Variants in STARD9 observed in about 807,000 individuals in gnomAD.
STARD9 encodes the protein StAR related lipid transfer domain containing 9.
A neutral mutation model predicts 399.8 loss-of-function variants in STARD9; 346 were observed. That is an observed-to-expected ratio of 0.87 (90% CI 0.79 to 0.95). The LOEUF (loss-of-function observed/expected upper bound fraction) is 0.95, where lower values mean the gene tolerates loss of function less well. Among genes scored for constraint, STARD9 ranks in the 40% least tolerant of loss-of-function variants. The pLI, the probability that STARD9 is intolerant of heterozygous loss-of-function variation, is 0.00. For synonymous variants in STARD9, 2,203 were observed against 2,143.5 expected (o/e 1.03, Z -0.77); for missense variants, 5,832 against 5,667.5 (o/e 1.03, Z -0.93).
chr15:42,621,562 CAG>C (rs756901019), intron 3 of STARD9, among the ~76,000 whole-genome samples: 2 of 152,306 alleles, frequency 1.3e-5, no homozygotes, highest in East Asian at 3.9e-4. Context: ...ATACAGAAAA[CAG>C]AGGGATGAGG....
chr15:42,639,120 G>A (rs772781119), intron 7 of STARD9, among the ~76,000 whole-genome samples: 1 of 152,224 alleles, frequency 6.6e-6, no homozygotes, highest in Non-Finnish European at 1.5e-5. Context: ...TGATCAGGAA[G>A]AGCTTCTCTG....
chr15:42,610,456 C>T (rs1327302002), intron 3 of STARD9, among the ~76,000 whole-genome samples: 1 of 152,206 alleles, frequency 6.6e-6, no homozygotes, highest in Non-Finnish European at 1.5e-5. Flanking sequence ...CCTACTGACT[C>T]CTGTGTAGCA....
At chr15:42,641,048 G>A (rs1183301462) in intron 7 of STARD9, among the ~76,000 whole-genome samples, 1 of 152,124 alleles carries the variant, frequency 6.6e-6, no homozygotes, top group Non-Finnish European at 1.5e-5. Flanking sequence ...TCAAGAACCT[G>A]GAAGGAGACC....
At chr15:42,717,869 T>C (rs2061378590) in intron 29 of STARD9, 74 bp downstream of exon 29, 1 of 1,507,454 alleles carries the variant, frequency 6.6e-7, no homozygotes, top group Non-Finnish European at 8.9e-7. Context: ...TCTCTCCTCC[T>C]TTCCCTTACC....
At position 42,691,403 on chromosome 15, in the gene STARD9, G is replaced by T. The variant is rs969755011; in HGVS notation, c.9825G>T (p.Leu3275Phe). The T allele has an allele frequency of 6.5e-7, 1 of 1,537,222 alleles. No homozygotes were observed. The highest frequency in any genetic ancestry group is 8.7e-7 in the Non-Finnish European group (1 of 1,146,906). Residue 3275 changes from leucine to phenylalanine, a missense_variant, in exon 23 of 33, where the codon TTG becomes TTT. Transcript: ENST00000290607. ...TCAAAGACCCAGCCACTGTGTCCTT[G>T]AGGCAAAATGAAACACCGCAGCCTG... ...QGFKDPATVS[L>F]RQNETPQPAA...
chr15:42,665,995 G>C (rs575807802), intron 15 of STARD9, 147 bp downstream of exon 15: 6 of 700,582 alleles, frequency 8.6e-6, no homozygotes, highest in South Asian at 3.6e-5. Context: ...AGCCTTGACC[G>C]GGGGATGTGT....
chr15:42,644,418 G>A (rs536247214), intron 7 of STARD9, among the ~76,000 whole-genome samples: 2 of 152,150 alleles, frequency 1.3e-5, no homozygotes, highest in African/African-American at 4.8e-5. Flanking sequence ...GCATGAACCC[G>A]GGAGGCAGAG....
chr15:42,652,904 C>T (rs927666720), intron 9 of STARD9, among the ~76,000 whole-genome samples: 14 of 152,166 alleles, frequency 9.2e-5, no homozygotes, highest in Admixed American at 7.9e-4. Context: ...TCTCAAACTC[C>T]TGACCTCAGA....
intron 3 of STARD9, among the ~76,000 whole-genome samples, chr15:42,623,600 T>G (rs562835307): frequency 6.6e-6 from 1 of 152,356 alleles, no homozygotes; most frequent in Admixed American, 6.5e-5. Context: ...TCTTTCAAAA[T>G]AATGACTCTT....
At chr15:42,670,369 C>G (rs1159471376) in intron 16 of STARD9, 2 of 152,254 alleles carry the variant, frequency 1.3e-5, no homozygotes, top group Non-Finnish European at 2.9e-5. Flanking sequence ...CCTGGCCCAC[C>G]TGGCTCTGTG....
In STARD9 at chr15:42,686,244, C is replaced by T. The variant is rs767495107; in HGVS notation, c.4666C>T (p.Arg1556Cys). Residue 1556 changes from arginine (R) to cysteine (C), a missense_variant, in exon 23 of 33, where the codon CGT (arginine) becomes TGT (cysteine). Coordinates refer to ENST00000290607, the MANE Select transcript of STARD9 (RefSeq NM_020759.3). Reference protein sequence around the residue: ...NFPVHLSRIRRLRAEKEQDSL... With the variant: ...NFPVHLSRIRCLRAEKEQDSL... ...TCCAGTCCATCTGTCCAGAATCAGG[C>T]GTTTGAGGGCAGAGAAAGAACAGGA... 7.8e-6 allele frequency: 12 copies of T among 1,537,498 alleles called. No homozygotes were observed. In the East Asian group the frequency reaches 9.8e-5, roughly 13 times the overall value.
chr15:42,649,055 A>C (rs1431705786), intron 7 of STARD9, among the ~76,000 whole-genome samples: 1 of 150,844 alleles, frequency 6.6e-6, no homozygotes, highest in Non-Finnish European at 1.5e-5. Context: ...TTTGAGATGG[A>C]GCCTCGCTGT....
rs778880493 is a variant in STARD9 at position 42,695,809 on chromosome 15, T to C, written c.13213T>C (p.Ser4405Pro). 9.0e-5 allele frequency: 139 copies of C among 1,537,150 alleles called. 2 individuals carry two copies. The African/African-American group carries it at 1.5e-3, about 16-fold the overall frequency. ...GTGCACCAGCTCTAATGGAAGCCTC[T>C]CGTCTGGCATGACCTCTGGCTATAA... ...SLCTSSNGSL[S>P]SGMTSGYNSS... Residue 4405 changes from serine to proline, a missense_variant, in exon 26 of 33, where the codon TCG (serine) becomes CCG (proline). Ser to Pro is a moderately conservative substitution (Grantham distance 74). Around this residue, in one of 2 missense-constraint regions of STARD9, gnomAD observed 5,828 missense variants for 5,651.1 expected, o/e 1.03. Transcript: ENST00000290607.
At position 42,663,288 on chromosome 15, in the gene STARD9, C is replaced by G. The variant is rs967895860; in HGVS notation, c.876C>G (p.Asn292Lys). Residue 292 changes from asparagine (N) to lysine (K), a missense_variant, in exon 12 of 33, where the codon AAC becomes AAG. This residue lies in a region of STARD9 where 5,828 missense variants were observed against 5,651.1 expected (regional missense o/e 1.03). Transcript: ENST00000290607. ...LGIVISTLAQ[N>K]SQVFSSCQSL... ...CTTTTTTCATCTTTTAAGCCCAGAA[C>G]TCCCAAGTTTTCAGCAGCTGCCAGA... The G allele has an allele frequency of 6.5e-7, 1 of 1,531,844 alleles. No individual in the cohort carries two copies. The highest frequency in any genetic ancestry group is 2.5e-5 in the East Asian group (1 of 40,766). The allele number at this position is 1,531,844 out of a possible 1,614,324, so 94.9% of individuals were successfully genotyped here. A position where few individuals can be genotyped will look rare whatever the true frequency, so the allele number is the denominator to read the frequency against.
chr15:42,648,068 G>A (rs1252992695), intron 7 of STARD9, among the ~76,000 whole-genome samples: 1 of 152,118 alleles, frequency 6.6e-6, no homozygotes, highest in African/African-American at 2.4e-5. Context: ...AATTTTTAAA[G>A]AATATCCTAC....
chr15:42,601,295 T>G (rs1045991627), intron 3 of STARD9, among the ~76,000 whole-genome samples: 10 of 152,124 alleles, frequency 6.6e-5, no homozygotes, highest in Admixed American at 5.2e-4. Context: ...CAGTCTGATC[T>G]CTCTCTCTTT....
In STARD9 at chr15:42,662,711, A is replaced by G. The variant is rs191299599; in HGVS notation, c.771-83A>G. Reference sequence around the variant, plus strand: ...AGTCCTTTACAGCATGATATACAGAATAACGGATAGTATTTTTCAACAGCA... The same window carrying G: ...AGTCCTTTACAGCATGATATACAGAGTAACGGATAGTATTTTTCAACAGCA... On this transcript the variant is annotated intron_variant, in intron 10 of 32. Transcript: ENST00000290607. 2.8e-5 allele frequency: 25 copies of G among 879,602 alleles called. No homozygotes were observed. The East Asian group carries it at 6.4e-4, about 23-fold the overall frequency. The allele number at this position is 879,602 out of a possible 1,614,324, so 54.5% of individuals were successfully genotyped here. A position where few individuals can be genotyped will look rare whatever the true frequency, so the allele number is the denominator to read the frequency against.
In STARD9 at chr15:42,682,258, A is replaced by G; in HGVS notation, c.2220A>G (p.Gln740=). ...DPEIQPSPFV[Q]SQKRVVHLQL... Reference sequence around the variant, plus strand: ...AGATTCAGCCATCCCCATTTGTCCAAAGTCAGAAAAGGGTGGTGCACCTGC... The same window carrying G: ...AGATTCAGCCATCCCCATTTGTCCAGAGTCAGAAAAGGGTGGTGCACCTGC... Residue 740 remains glutamine (Q), a synonymous_variant, in exon 22 of 33, where the codon CAA becomes CAG. Coordinates refer to ENST00000290607, the MANE Select transcript of STARD9 (RefSeq NM_020759.3). 6.5e-7 allele frequency: 1 copy of G among 1,537,152 alleles called. No individual in the cohort carries two copies. Among genetic ancestry groups the G allele is most frequent in the Non-Finnish European group, 8.7e-7 (1 of 1,146,862 alleles).
chr15:42,612,811 C>T (rs2058877748), intron 3 of STARD9, among the ~76,000 whole-genome samples: 1 of 151,980 alleles, frequency 6.6e-6, no homozygotes, highest in African/African-American at 2.4e-5. Flanking sequence ...TGGTGAAACC[C>T]CGTCTCTGCT....
Sources: allele counts gnomAD v4.1 joint callset (sites outside exome capture counted in the v4.1 genomes callset), GRCh38; gene constraint gnomAD v4.1.1; regional missense constraint gnomAD v4.1.1; transcripts MANE v1.5; gene names NCBI Gene and HGNC (gene_info 2026-07-23, HGNC 2026-07-21).